The following TMEM131 variants were observed in gnomAD, a reference collection of about 807,000 sequenced individuals.
The protein encoded by TMEM131 is transmembrane protein 131.
In TMEM131, 66 loss-of-function variants were observed where a neutral mutation model predicts 211.6. That is an observed-to-expected ratio of 0.31 (90% CI 0.26 to 0.38). TMEM131 has a LOEUF of 0.38. Among genes scored for constraint, TMEM131 ranks in the 10% least tolerant of loss-of-function variants. The pLI, the probability that TMEM131 is intolerant of heterozygous loss-of-function variation, is 1.00. For synonymous variants in TMEM131, 844 were observed against 841.3 expected (o/e 1.00, Z -0.06); for missense variants, 2,036 against 2,299.3 (o/e 0.89, Z 2.34).
intron 1 of TMEM131, among the ~76,000 whole-genome samples, chr2:97,967,465 GTTTA>G (rs1046042391): frequency 1.5e-4 from 23 of 151,704 alleles, no homozygotes; most frequent in Admixed American, 9.8e-4. Flanking sequence ...AAAATGAAAT[GTTTA>G]TTTATTTAAA....
intron 1 of TMEM131, among the ~76,000 whole-genome samples, chr2:97,966,256 G>A (rs570628487): frequency 6.6e-6 from 1 of 152,002 alleles, no homozygotes; most frequent in African/African-American, 2.4e-5. Context: ...AACCAGCAAG[G>A]TGTCTGGCAT....
chr2:97,861,235 C>T (rs778941286), intron 4 of TMEM131, among the ~76,000 whole-genome samples: 7 of 151,968 alleles, frequency 4.6e-5, no homozygotes, highest in African/African-American at 1.2e-4. Context: ...GTCCTAGTGC[C>T]GTGCTGGGCT....
rs1293956936 is a variant in TMEM131, at chr2:97,809,784, CAAG to C, written c.1969-13_1969-11del. The C allele has an allele frequency of 1.9e-6, 3 of 1,588,752 alleles. No homozygotes were observed. The highest frequency in any genetic ancestry group is 1.3e-5 in the African/African-American group (1 of 74,452). On this transcript the variant is annotated splice_polypyrimidine_tract_variant and intron_variant, in intron 18 of 40. Transcript: ENST00000186436. ...CAGGGATTGTCAGGATCTGTGAAGT[CAAG>C]AAGATGATGATAGATAAGTAGTTAA... is the stretch of plus-strand genomic sequence containing the variant.
intron 3 of TMEM131, among the ~76,000 whole-genome samples, chr2:97,904,180 A>G (rs1675974787): frequency 6.6e-6 from 1 of 152,208 alleles, no homozygotes; most frequent in African/African-American, 2.4e-5. Context: ...ATTAAACAGC[A>G]GTATGAGACA....
intron 1 of TMEM131, among the ~76,000 whole-genome samples, chr2:97,967,543 T>C (rs1399516566): frequency 5.3e-5 from 8 of 151,868 alleles, no homozygotes; most frequent in Non-Finnish European, 1.0e-4. Flanking sequence ...AAAGATCACA[T>C]GGAAATAAGA....
At chr2:97,920,648 G>C (rs772730094) in intron 2 of TMEM131, among the ~76,000 whole-genome samples, 6 of 152,124 alleles carry the variant, frequency 3.9e-5, no homozygotes, top group Non-Finnish European at 8.8e-5. Context: ...TTTATGTTGA[G>C]TCGTATGAAA....
chr2:97,896,054 T>C (rs921476285), intron 3 of TMEM131, among the ~76,000 whole-genome samples: 1 of 152,212 alleles, frequency 6.6e-6, no homozygotes, highest in Admixed American at 6.5e-5. Context: ...CCGGAGATTC[T>C]GGTACATTGT....
intron 1 of TMEM131, among the ~76,000 whole-genome samples, chr2:97,952,365 G>A (rs1415194625): frequency 1.3e-5 from 2 of 152,020 alleles, no homozygotes; most frequent in African/African-American, 4.8e-5. Flanking sequence ...CTTACAGAGC[G>A]AATTCCAGAT....
At chr2:97,836,613 G>A (rs935131865) in intron 8 of TMEM131, among the ~76,000 whole-genome samples, 9 of 152,000 alleles carry the variant, frequency 5.9e-5, no homozygotes, top group South Asian at 2.1e-4. Flanking sequence ...CTAAGTTATC[G>A]CAGGCACTTG....
chr2:97,885,346 C>T, intron 4 of TMEM131, among the ~76,000 whole-genome samples: 1 of 150,686 alleles, frequency 6.6e-6, no homozygotes, highest in Non-Finnish European at 1.5e-5. Context: ...CGCCCGCCAC[C>T]ACGCCCAGCT....
At chr2:97,764,952 C>G (rs1679082418) in intron 35 of TMEM131, 1 of 152,240 alleles carries the variant, frequency 6.6e-6, no homozygotes, top group Non-Finnish European at 1.5e-5. Context: ...TCAGAACACC[C>G]CTGTGAAACT....
intron 11 of TMEM131, among the ~76,000 whole-genome samples, chr2:97,830,846 G>C (rs1682646755): frequency 1.3e-5 from 2 of 152,156 alleles, no homozygotes; most frequent in South Asian, 4.1e-4. Context: ...CCTATATTTA[G>C]AAAGAGAATG....
chr2:97,821,278 C>T (rs2105007729), intron 11 of TMEM131, among the ~76,000 whole-genome samples: 1 of 152,298 alleles, frequency 6.6e-6, no homozygotes, highest in Middle Eastern at 3.4e-3. Context: ...TAAAAACGCA[C>T]CAATCAGTGC....
intron 3 of TMEM131, among the ~76,000 whole-genome samples, chr2:97,890,803 A>G (rs1482629581): frequency 2.0e-5 from 3 of 152,156 alleles, no homozygotes; most frequent in Non-Finnish European, 4.4e-5. Context: ...ATCCTTAGAT[A>G]AGTTTTATTT....
At chr2:97,958,020 C>T (rs1302107212) in intron 1 of TMEM131, among the ~76,000 whole-genome samples, 2 of 152,098 alleles carry the variant, frequency 1.3e-5, no homozygotes, top group Admixed American at 6.5e-5. Flanking sequence ...GTGGTTACGT[C>T]TGAAGGAAGA....
chr2:97,924,627 G>C (rs1282032459), intron 2 of TMEM131, among the ~76,000 whole-genome samples: 1 of 152,206 alleles, frequency 6.6e-6, no homozygotes, highest in East Asian at 1.9e-4. Flanking sequence ...GTGAGGCCCA[G>C]GTGAGTTCGT....
At chr2:97,907,768 G>A (rs927272874) in intron 3 of TMEM131, among the ~76,000 whole-genome samples, 3 of 152,130 alleles carry the variant, frequency 2.0e-5, no homozygotes, top group Admixed American at 2.0e-4. Flanking sequence ...TCCATGATGT[G>A]GGCTCCTTAC....
intron 2 of TMEM131, among the ~76,000 whole-genome samples, chr2:97,923,627 TTAAAAAAAA>T (rs1412784178): frequency 4.0e-5 from 4 of 99,688 alleles, no homozygotes; most frequent in African/African-American, 9.0e-5. Context: ...GTCTTTTTTT[TTAAAAAAAA>T]AAAAAAAAAA....
At chr2:97,825,654 A>G (rs1682345790) in intron 11 of TMEM131, among the ~76,000 whole-genome samples, 1 of 152,190 alleles carries the variant, frequency 6.6e-6, no homozygotes, top group Admixed American at 6.5e-5. Context: ...CTCACAGGAC[A>G]ACACTTCTCT....
Sources: allele counts gnomAD v4.1 joint callset (sites outside exome capture counted in the v4.1 genomes callset), GRCh38; gene constraint gnomAD v4.1.1; transcripts MANE v1.5; gene names NCBI Gene and HGNC (gene_info 2026-07-23, HGNC 2026-07-21).